Variants in CNIH3 observed in about 807,000 individuals in gnomAD.
CNIH3 encodes protein cornichon homolog 3.
A neutral mutation model predicts 24.1 loss-of-function variants in CNIH3; 14 were observed. That is an observed-to-expected ratio of 0.58 (90% CI 0.38 to 0.91). The LOEUF is 0.91. Ranked by LOEUF, CNIH3 falls within the 40% of genes least tolerant of loss-of-function variation. The pLI, the probability that CNIH3 is intolerant of heterozygous loss-of-function variation, is 0.00. For synonymous variants in CNIH3, 68 were observed against 73.8 expected (o/e 0.92, Z 0.40); for missense variants, 178 against 196.8 (o/e 0.90, Z 0.57).
chr1:224,666,408 T>C (rs1685600124), intron 1 of CNIH3, among the ~76,000 whole-genome samples: 1 of 152,208 alleles, frequency 6.6e-6, no homozygotes, highest in African/African-American at 2.4e-5. Flanking sequence ...TATTTTTCCA[T>C]TGAAGTATTT....
intron 3 of CNIH3, among the ~76,000 whole-genome samples, chr1:224,698,064 A>G (rs550182996): frequency 2.0e-5 from 3 of 152,262 alleles, no homozygotes; most frequent in East Asian, 3.9e-4. Context: ...TCCTTAAGCA[A>G]TTTGGGGCAT....
chr1:224,635,273 C>T (rs550717749), intron 1 of CNIH3, among the ~76,000 whole-genome samples: 1 of 152,246 alleles, frequency 6.6e-6, no homozygotes, highest in Non-Finnish European at 1.5e-5. Flanking sequence ...GATCCAATCA[C>T]CTCCCACCAG....
rs1308676090 is a variant in CNIH3, at chr1:224,556,796, G to A, written n.451-9403G>A. On this transcript the variant is annotated intron_variant and non_coding_transcript_variant, in intron 3 of 5. Transcript: ENST00000471578. ...TGTGGCCTGGTTCCTAACACGCCAC[G>A]GACCGGTACCAGTCAGTGGCCTGCG... Among the ~76,000 whole-genome samples the A allele has an allele frequency of 2.6e-5, 4 of 152,072 alleles. No individual in the cohort carries two copies. The South Asian group carries it at 6.2e-4, about 24-fold the overall frequency.
chr1:224,681,039 T>A lies in CNIH3; in HGVS notation c.150+13T>A. 6.2e-7 allele frequency: 1 copy of A among 1,612,734 alleles called. No homozygotes were observed. The highest frequency in any genetic ancestry group is 8.5e-7 in the Non-Finnish European group (1 of 1,178,868). On this transcript the variant is annotated intron_variant, in intron 2 of 5. Transcript: ENST00000272133. The stretch of plus-strand genomic sequence containing the variant: ...TCCTGTTCATGCGGTAAGTGGCGGG[T>A]ACTGGTGAGGGGAAGGTGCTATCAC...
chr1:224,621,850 A>G (rs777605487), intron 1 of CNIH3, among the ~76,000 whole-genome samples: 1 of 152,222 alleles, frequency 6.6e-6, no homozygotes, highest in Middle Eastern at 3.2e-3. Flanking sequence ...TGTAGCTCTC[A>G]TAATCTCCAC....
intron 3 of CNIH3, among the ~76,000 whole-genome samples, chr1:224,701,048 C>T (rs1687458230): frequency 6.6e-6 from 1 of 152,110 alleles, no homozygotes; most frequent in Non-Finnish European, 1.5e-5. Context: ...CAGCATTGAC[C>T]CATGCTGGGG....
At position 224,637,143 on chromosome 1, in the gene CNIH3, C is replaced by CG. The variant is rs112758755; in HGVS notation, c.81+19892dup. 4.1e-3 allele frequency among the ~76,000 whole-genome samples: 626 copies of CG among 151,990 alleles called. 3 individuals carry two copies. Among genetic ancestry groups the CG allele is most frequent in the African/African-American group, 0.013 (558 of 41,458 alleles). ...ATTTTTTTTGTATTTTTAGTAGAGA[C>CG]GGGGTTTCACTATGTTGGCCAGGCT... On this transcript the variant is annotated intron_variant, in intron 1 of 5. Transcript: ENST00000272133.
intron 2 of CNIH3, among the ~76,000 whole-genome samples, chr1:224,531,368 A>C (rs1397382460): frequency 6.6e-6 from 1 of 152,178 alleles, no homozygotes; most frequent in Non-Finnish European, 1.5e-5. Flanking sequence ...TGTTATGAAG[A>C]GGTGCACTGT....
At chr1:224,702,417 A>G (rs895604684) in intron 3 of CNIH3, among the ~76,000 whole-genome samples, 5 of 152,324 alleles carry the variant, frequency 3.3e-5, no homozygotes, top group Admixed American at 6.5e-5. Flanking sequence ...TTGTCAGATT[A>G]CTTTCTCAGA....
At chr1:224,722,169 C>G (rs952615079) in intron 3 of CNIH3, among the ~76,000 whole-genome samples, 1 of 152,184 alleles carries the variant, frequency 6.6e-6, no homozygotes, top group African/African-American at 2.4e-5. Flanking sequence ...AAAAAAGAAG[C>G]ATCTGCCTTG....
intron 1 of CNIH3, among the ~76,000 whole-genome samples, chr1:224,622,826 T>A (rs1372992002): frequency 6.6e-6 from 1 of 152,228 alleles, no homozygotes; most frequent in African/African-American, 2.4e-5. Flanking sequence ...TGCTTTTCCC[T>A]TCTGTATATC....
chr1:224,476,270 T>C (rs557945117), intron 1 of CNIH3, among the ~76,000 whole-genome samples: 2 of 152,280 alleles, frequency 1.3e-5, no homozygotes, highest in East Asian at 1.9e-4. Flanking sequence ...GACATCAGAA[T>C]TGAAGGAGGA....
In CNIH3 at chr1:224,676,148, A is replaced by C. The variant is rs1031098334; in HGVS notation, c.82-4810A>C. ...TAGTTCGTTTGTACAATGGAATACT[A>C]CTTGGCAGTAAAAGGGAACAAACCA... On this transcript the variant is annotated intron_variant, in intron 1 of 5. Coordinates refer to ENST00000272133, the MANE Select transcript of CNIH3 (RefSeq NM_152495.2). Among the ~76,000 whole-genome samples the C allele has an allele frequency of 2.6e-5, 4 of 152,260 alleles. No individual in the cohort carries two copies. In the East Asian group the frequency reaches 7.7e-4, roughly 29 times the overall value.
At chr1:224,691,504 T>G (rs576983409) in intron 3 of CNIH3, among the ~76,000 whole-genome samples, 1 of 152,300 alleles carries the variant, frequency 6.6e-6, no homozygotes, top group South Asian at 2.1e-4. Context: ...ACAAGACCAA[T>G]GCACTGGTTC....
chr1:224,589,724 G>A (rs1681668726), downstream of CNIH3, among the ~76,000 whole-genome samples: 1 of 152,116 alleles, frequency 6.6e-6, no homozygotes, highest in African/African-American at 2.4e-5. Context: ...GTGCTCTTTG[G>A]GTGGCTCTGT....
chr1:224,487,114 T>C (rs1677060202), intron 1 of CNIH3, among the ~76,000 whole-genome samples: 1 of 152,210 alleles, frequency 6.6e-6, no homozygotes, highest in Non-Finnish European at 1.5e-5. Flanking sequence ...AATAAGACAT[T>C]CTCAGCAGCT....
Position 224,704,112 on chromosome 1 carries a change from G to A in CNIH3, c.198+19269G>A, listed in dbSNP as rs554352972. 5.3e-4 allele frequency among the ~76,000 whole-genome samples: 80 copies of A among 152,338 alleles called. No homozygotes were observed. Among genetic ancestry groups the A allele is most frequent in the African/African-American group, 1.7e-3 (72 of 41,574 alleles). On this transcript the variant is annotated intron_variant, in intron 3 of 5. Transcript: ENST00000272133. The surrounding 1 kb of genome is among the most constrained non-coding windows in gnomAD (Gnocchi z 4.2). ...ACCACACCAGTGCACACTGCAGGTA[G>A]TAAGGTGCAGGGTGGCAGGTGGAAG...
intron 5 of CNIH3, among the ~76,000 whole-genome samples, chr1:224,586,841 G>A (rs1558185999): frequency 6.6e-6 from 1 of 152,198 alleles, no homozygotes; most frequent in Non-Finnish European, 1.5e-5. Context: ...GGAAGATGGA[G>A]GCAGAGATTG....
At chr1:224,593,142 TCTTTTTTTTTTTTTAA>T (rs1681831030), downstream of CNIH3, among the ~76,000 whole-genome samples, 2 of 149,670 alleles carry the variant, frequency 1.3e-5, no homozygotes, top group Non-Finnish European at 3.0e-5. Context: ...TACTTCCTCT[TCTTTTTTTTTTTTTAA>T]CTTTTTTTTT....
Sources: gnomAD v4.1 joint callset for allele counts (sites outside exome capture counted in the v4.1 genomes callset) on GRCh38, gnomAD v4.1.1 for gene constraint, Gnocchi (gnomAD v3.1) non-coding constraint, MANE v1.5 for transcripts, NCBI Gene and HGNC (gene_info 2026-07-23, HGNC 2026-07-21) for gene names.